Variants in STXBP5L observed in about 807,000 individuals in gnomAD.
The protein encoded by STXBP5L is syntaxin binding protein 5L, also known as syntaxin-binding protein 5-like.
Under a neutral mutation model 144.5 loss-of-function variants are expected in STXBP5L, and 65 were observed. The ratio of observed to expected loss-of-function variants is 0.45; its 90% CI spans 0.37 to 0.55. STXBP5L has a LOEUF of 0.55. Ranked by LOEUF, STXBP5L falls within the 20% of genes least tolerant of loss-of-function variation. The pLI is 0.00. For missense variants in STXBP5L, 1,298 were observed against 1,405.5 expected, an observed-to-expected ratio of 0.92 and a Z score of 1.22; for synonymous variants, 505 against 469.6, an observed-to-expected ratio of 1.08 and a Z score of -0.97.
chr3:121,182,745 C>T (rs2047212218), intron 9 of STXBP5L, among the ~76,000 whole-genome samples: 1 of 152,022 alleles, frequency 6.6e-6, no homozygotes, highest in Admixed American at 6.6e-5. Flanking sequence ...ATTGATAGAC[C>T]ATTAGTTAGA....
chr3:121,162,007 A>G (rs181763734), intron 9 of STXBP5L, among the ~76,000 whole-genome samples: 1 of 152,296 alleles, frequency 6.6e-6, no homozygotes, highest in East Asian at 1.9e-4. Flanking sequence ...ACAAAAATGA[A>G]TTAGGAAAAC....
At chr3:121,126,811 T>C (rs1451059537) in intron 7 of STXBP5L, among the ~76,000 whole-genome samples, 1 of 152,168 alleles carries the variant, frequency 6.6e-6, no homozygotes, top group Non-Finnish European at 1.5e-5. Context: ...TGCATTCCTT[T>C]TTAGTAATTC....
chr3:121,180,808 G>A (rs745440215), intron 9 of STXBP5L, among the ~76,000 whole-genome samples: 39 of 152,246 alleles, frequency 2.6e-4, no homozygotes, highest in African/African-American at 7.0e-4. Flanking sequence ...TAGGAGGTGC[G>A]GTTGCAGTGA....
intron 14 of STXBP5L, among the ~76,000 whole-genome samples, chr3:121,244,392 C>G (rs1438567193): frequency 2.6e-5 from 4 of 151,120 alleles, no homozygotes; most frequent in Admixed American, 6.6e-5. Flanking sequence ...GCCTAAGAGC[C>G]TTACAAACAC....
At chr3:121,139,416 T>C (rs556968460) in intron 7 of STXBP5L, among the ~76,000 whole-genome samples, 1 of 152,182 alleles carries the variant, frequency 6.6e-6, no homozygotes, top group East Asian at 1.9e-4. Context: ...TTAAAAACCC[T>C]ATGAGAGGAG....
chr3:121,397,433 C>T (rs1270700769), intron 22 of STXBP5L, among the ~76,000 whole-genome samples: 1 of 152,186 alleles, frequency 6.6e-6, no homozygotes, highest in Middle Eastern at 3.2e-3. Flanking sequence ...TGTTCAGTAA[C>T]TAATTCCTCT....
In STXBP5L at chr3:121,198,092, A is replaced by C. The variant is rs1020527462; in HGVS notation, c.878-7831A>C. On this transcript the variant is annotated intron_variant, in intron 9 of 26. Transcript: ENST00000471454. ...AAACACTGTCTTCCACATTGATTGA[A>C]GTAATTTACACTGCCACCAACAGTG... Among the ~76,000 whole-genome samples, 4 of 152,208 alleles carry C rather than the reference A, an allele frequency of 2.6e-5. No homozygotes were observed. The South Asian group carries it at 8.3e-4, about 32-fold the overall frequency.
At chr3:121,016,461 T>C (rs767553941) in intron 3 of STXBP5L, among the ~76,000 whole-genome samples, 12 of 152,154 alleles carry the variant, frequency 7.9e-5, no homozygotes, top group Non-Finnish European at 1.6e-4. Context: ...TGTACAGAAA[T>C]AAATGACTTT....
intron 5 of STXBP5L, among the ~76,000 whole-genome samples, chr3:121,064,126 C>T (rs1047700952): frequency 2.6e-5 from 4 of 152,138 alleles, no homozygotes; most frequent in Admixed American, 1.3e-4. Context: ...GTGTAGGCTC[C>T]GGAGGGAATC....
At chr3:121,040,598 G>C (rs1947076968) in intron 3 of STXBP5L, among the ~76,000 whole-genome samples, 1 of 151,950 alleles carries the variant, frequency 6.6e-6, no homozygotes, top group South Asian at 2.1e-4. Context: ...AATCTCTAGA[G>C]CTCTTTTTGT....
intron 9 of STXBP5L, among the ~76,000 whole-genome samples, chr3:121,198,688 C>T (rs575693623): frequency 6.6e-6 from 1 of 152,284 alleles, no homozygotes; most frequent in South Asian, 2.1e-4. Flanking sequence ...GGTCCAGTTT[C>T]TGTTTTCTGC....
intron 3 of STXBP5L, among the ~76,000 whole-genome samples, chr3:121,007,553 C>T (rs1278840926): frequency 6.6e-6 from 1 of 151,808 alleles, no homozygotes; most frequent in African/African-American, 2.4e-5. Flanking sequence ...AATTAAAATT[C>T]TTTAATAGAT....
At chr3:121,019,628 C>T (rs562931670) in intron 3 of STXBP5L, among the ~76,000 whole-genome samples, 42 of 152,272 alleles carry the variant, frequency 2.8e-4, no homozygotes, top group African/African-American at 1.0e-3. Flanking sequence ...CAGTACCAGC[C>T]CAGAGCCCAG....
At chr3:121,003,777 G>C (rs371806682) in intron 3 of STXBP5L, among the ~76,000 whole-genome samples, 15,027 of 151,834 alleles carry the variant, frequency 0.099, 1,143 homozygotes, top group Admixed American at 0.2. Context: ...ATATGGCTAG[G>C]CAGTTTTCCC....
chr3:121,102,947 A>G (rs2043504393), intron 5 of STXBP5L, among the ~76,000 whole-genome samples: 1 of 152,186 alleles, frequency 6.6e-6, no homozygotes, highest in African/African-American at 2.4e-5. Flanking sequence ...AAAAATGAAA[A>G]AATACCCCAC....
rs568245543 is a variant in STXBP5L, at chr3:121,359,866, G to T, written c.2177-18850G>T. Among the ~76,000 whole-genome samples, 142 of 150,266 alleles carry T rather than the reference G, an allele frequency of 9.4e-4. No individual in the cohort carries two copies. The Middle Eastern group carries it at 0.014, about 15-fold the overall frequency. On this transcript the variant is annotated intron_variant, in intron 20 of 26. Transcript: ENST00000471454. ...TAACTATACCTCTGTAGTATAATTT[G>T]TACCTCTGTAGTATAATTTGAAGTC...
intron 3 of STXBP5L, among the ~76,000 whole-genome samples, chr3:120,963,531 A>G (rs36200475): frequency 1.3e-5 from 2 of 152,162 alleles, no homozygotes; most frequent in African/African-American, 4.8e-5. Flanking sequence ...TGAGATAATC[A>G]TGTGGTTTTT....
rs558558652 is a variant in STXBP5L, at chr3:121,098,184, G to A, written c.471-16741G>A. On this transcript the variant is annotated intron_variant, in intron 5 of 26. Transcript: ENST00000471454. ...GTTTGAAAATTGGTGGAGATTGTTTGATGACTGCCCTTTTTCAGTAGAAGG... is the reference window on the plus strand; with the variant it reads ...GTTTGAAAATTGGTGGAGATTGTTTAATGACTGCCCTTTTTCAGTAGAAGG... 2.6e-5 allele frequency among the ~76,000 whole-genome samples: 4 copies of A among 152,230 alleles called. 1 individual carries two copies. The South Asian group carries it at 8.3e-4, about 32-fold the overall frequency.
At chr3:121,073,254 G>T (rs2107667869) in intron 5 of STXBP5L, among the ~76,000 whole-genome samples, 1 of 152,334 alleles carries the variant, frequency 6.6e-6, no homozygotes, top group South Asian at 2.1e-4. Flanking sequence ...CAGCAGTGTG[G>T]CTGGATTTAG....
Sources: allele counts gnomAD v4.1 joint callset (sites outside exome capture counted in the v4.1 genomes callset), GRCh38; gene constraint gnomAD v4.1.1; transcripts MANE v1.5; gene names NCBI Gene and HGNC (gene_info 2026-07-23, HGNC 2026-07-21).